Variants in UQCC1 observed in about 807,000 individuals in gnomAD.
The protein encoded by UQCC1 is bFGF-repressed Zic-binding protein.
UQCC1 carries 38 observed loss-of-function variants against 48.0 expected under a neutral mutation model. The observed-to-expected ratio is 0.79, with a 90% CI of 0.61 to 1.04. The LOEUF (loss-of-function observed/expected upper bound fraction) is 1.04, where lower values mean the gene tolerates loss of function less well. UQCC1 is among the 50% of genes least tolerant of loss of function. The pLI is 0.00. For synonymous variants in UQCC1, 111 were observed against 129.2 expected (o/e 0.86, Z 0.95); for missense variants, 368 against 381.8 (o/e 0.96, Z 0.30).
chr20:35,404,237 C>T (rs535853312), intron 1 of UQCC1, among the ~76,000 whole-genome samples: 98 of 152,216 alleles, frequency 6.4e-4, no homozygotes, highest in Non-Finnish European at 1.1e-3. Context: ...GGCGTGGTGG[C>T]GGGTGCCTGT....
In UQCC1 at chr20:35,377,815, C is replaced by A. The variant is rs6142361; in HGVS notation, c.334-3559G>T. Among the ~76,000 whole-genome samples, 11 of 152,326 alleles carry A rather than the reference C, an allele frequency of 7.2e-5. No individual in the cohort carries two copies. The East Asian group carries it at 1.7e-3, about 24-fold the overall frequency. ...CTTGAGAAGGAAGCTTCCCCAACAA[C>A]ACGTTTGTGAAAAAGCATTCATCAC... On this transcript the variant is annotated intron_variant, in intron 4 of 9. Coordinates refer to ENST00000374385, the MANE Select transcript of UQCC1 (RefSeq NM_018244.5).
At position 35,374,255 on chromosome 20, in the gene UQCC1, T is replaced by C. The variant is rs1349767371; in HGVS notation, c.335A>G (p.Lys112Arg). The C allele has an allele frequency of 1.2e-6, 2 of 1,609,540 alleles. No homozygotes were observed. The highest frequency in any genetic ancestry group is 1.3e-5 in the African/African-American group (1 of 74,742). Residue 112 changes from lysine to arginine, a missense_variant and splice_region_variant, in exon 5 of 10, where the codon AAG becomes AGG. Coordinates refer to ENST00000374385, the MANE Select transcript of UQCC1 (RefSeq NM_018244.5). ...FTGPLKYSKW[K>R]IKIAALRMYT... ...CATGCGCAGGGCCGCAATCTTAATC[T>C]TCTAGACAAAGAGAATAAAACCAAA...
intron 1 of UQCC1, among the ~76,000 whole-genome samples, chr20:35,397,565 T>C (rs1601020230): frequency 6.7e-6 from 1 of 150,222 alleles, no homozygotes; most frequent in Non-Finnish European, 1.5e-5. Context: ...AAACATGCCA[T>C]ACTAAACATG....
chr20:35,394,296 A>G (rs1601012916), intron 1 of UQCC1, 100 bp from the exon 2 acceptor site: 3 of 1,091,034 alleles, frequency 2.7e-6, no homozygotes, highest in East Asian at 5.2e-5. Flanking sequence ...TTAGAAATAT[A>G]TATTTGGCCT....
intron 4 of UQCC1, among the ~76,000 whole-genome samples, chr20:35,380,612 T>C (rs2061854608): frequency 6.6e-6 from 1 of 152,210 alleles, no homozygotes; most frequent in Non-Finnish European, 1.5e-5. Flanking sequence ...TAAGTGGCAT[T>C]ACTTGGTTGT....
intron 4 of UQCC1, among the ~76,000 whole-genome samples, chr20:35,374,703 A>G (rs1449261425): frequency 6.6e-6 from 1 of 152,174 alleles, no homozygotes; most frequent in Admixed American, 6.5e-5. Context: ...TATCTATTCT[A>G]TAAATCTCGG....
intron 7 of UQCC1, among the ~76,000 whole-genome samples, chr20:35,339,878 T>C (rs954266359): frequency 1.3e-5 from 2 of 151,976 alleles, no homozygotes; most frequent in Admixed American, 6.5e-5. Context: ...AACATTTGTT[T>C]ATCTCTATCC....
chr20:35,325,895 C>G (rs540603420), intron 7 of UQCC1, among the ~76,000 whole-genome samples: 1 of 151,060 alleles, frequency 6.6e-6, no homozygotes, highest in South Asian at 2.1e-4. Flanking sequence ...CAAAAAAACA[C>G]AGAAGCTGCT....
rs141258603 is a variant in UQCC1, at chr20:35,312,129, G to C, written c.651+2559C>G. Among the ~76,000 whole-genome samples the C allele has an allele frequency of 1.2e-4, 19 of 152,252 alleles. No individual in the cohort carries two copies. The East Asian group carries it at 2.7e-3, about 22-fold the overall frequency. Reference sequence around the variant, plus strand: ...GACCATAAACAAAGGCTCACAGAGAGGTGTAGTTCTTCACTCCTAAGCCTC... The same window carrying C: ...GACCATAAACAAAGGCTCACAGAGACGTGTAGTTCTTCACTCCTAAGCCTC... On this transcript the variant is annotated intron_variant, in intron 8 of 9. Transcript: ENST00000374385.
intron 6 of UQCC1, among the ~76,000 whole-genome samples, chr20:35,365,423 G>A (rs1346381213): frequency 1.3e-5 from 2 of 152,084 alleles, no homozygotes; most frequent in Non-Finnish European, 2.9e-5. Context: ...GGGAAGCCGA[G>A]GTAGGTGGAT....
At chr20:35,366,509 G>A in intron 6 of UQCC1, 48 bp downstream of exon 6, 1 of 1,547,232 alleles carries the variant, frequency 6.5e-7, no homozygotes. Context: ...CAAGTCAGCA[G>A]TGTTTAAAAA....
intron 1 of UQCC1, among the ~76,000 whole-genome samples, chr20:35,399,798 C>G (rs952506501): frequency 4.2e-5 from 6 of 143,366 alleles, no homozygotes; most frequent in Non-Finnish European, 9.0e-5. Flanking sequence ...ACAGAGATTA[C>G]AGTGAGCCAA....
intron 1 of UQCC1, among the ~76,000 whole-genome samples, chr20:35,399,002 G>A (rs1366268365): frequency 2.6e-5 from 4 of 152,026 alleles, no homozygotes; most frequent in Non-Finnish European, 4.4e-5. Flanking sequence ...ATCCTTAATT[G>A]AAACCACTGA....
At chr20:35,367,889 T>A (rs927773101) in intron 5 of UQCC1, among the ~76,000 whole-genome samples, 4 of 152,166 alleles carry the variant, frequency 2.6e-5, no homozygotes, top group African/African-American at 9.7e-5. Flanking sequence ...ATGACAAAAC[T>A]GGGAAGGGCT....
At chr20:35,377,461 T>C (rs1196796263) in intron 4 of UQCC1, among the ~76,000 whole-genome samples, 1 of 152,224 alleles carries the variant, frequency 6.6e-6, no homozygotes, top group Non-Finnish European at 1.5e-5. Context: ...GGCCTACTCC[T>C]ATCCTTAAGA....
chr20:35,404,445 CAGG>C (rs1469007558), intron 1 of UQCC1, among the ~76,000 whole-genome samples: 2 of 150,880 alleles, frequency 1.3e-5, no homozygotes, highest in Non-Finnish European at 2.9e-5. Flanking sequence ...GAGGCTGAGG[CAGG>C]AGAATGGCGT....
At chr20:35,333,754 G>C (rs548970134) in intron 7 of UQCC1, among the ~76,000 whole-genome samples, 1 of 152,264 alleles carries the variant, frequency 6.6e-6, no homozygotes, top group African/African-American at 2.4e-5. Flanking sequence ...GAGTGCAGAA[G>C]GTTCCAAATT....
chr20:35,357,048 C>T (rs2061553931), intron 6 of UQCC1, among the ~76,000 whole-genome samples: 1 of 152,162 alleles, frequency 6.6e-6, no homozygotes, highest in Non-Finnish European at 1.5e-5. Flanking sequence ...ATCAGGACAT[C>T]CTGAATCATT....
rs1157478430 is a variant in UQCC1, at chr20:35,384,084, G to A, written c.179C>T (p.Pro60Leu). ...SRACGGSEQI[P>L]GIDIQLNRKY... Reference sequence around the variant, plus strand: ...CCTATTCAGCTGTATGTCTATTCCAGGAATCTGTTCTGATCCACCACATGC... The same window carrying A: ...CCTATTCAGCTGTATGTCTATTCCAAGAATCTGTTCTGATCCACCACATGC... Residue 60 changes from proline to leucine, a missense_variant, in exon 3 of 10, where the codon CCT becomes CTT. Coordinates refer to ENST00000374385, the MANE Select transcript of UQCC1 (RefSeq NM_018244.5). 6 of 1,613,130 alleles carry A rather than the reference G, an allele frequency of 3.7e-6. No individual in the cohort carries two copies. The highest frequency in any genetic ancestry group is 5.1e-6 in the Non-Finnish European group (6 of 1,179,188).
Sources: allele counts gnomAD v4.1 joint callset (sites outside exome capture counted in the v4.1 genomes callset), GRCh38; gene constraint gnomAD v4.1.1; transcripts MANE v1.5; gene names NCBI Gene and HGNC (gene_info 2026-07-23, HGNC 2026-07-21).